Variants in DTNA observed in about 807,000 individuals in gnomAD.
The protein encoded by DTNA is dystrobrevin alpha, also known as dystrophin-related protein 3.
In DTNA, 43 loss-of-function variants were observed where a neutral mutation model predicts 100.7. That is an observed-to-expected ratio of 0.43 (90% CI 0.33 to 0.55). The LOEUF is 0.55. DTNA is among the 20% of genes least tolerant of loss of function. DTNA has a pLI of 0.04. For missense variants in DTNA, 798 were observed against 953.9 expected, an observed-to-expected ratio of 0.84 and a Z score of 2.15; for synonymous variants, 349 against 347.9, an observed-to-expected ratio of 1.00 and a Z score of -0.04.
chr18:34,498,610 G>T (rs2039549697), intron 1 of DTNA, among the ~76,000 whole-genome samples: 1 of 151,990 alleles, frequency 6.6e-6, no homozygotes, highest in Non-Finnish European at 1.5e-5. Context: ...TTATTTTTGA[G>T]TGAATGCATG....
intron 1 of DTNA, chr18:34,514,086 T>G (rs2041356504): frequency 6.6e-6 from 1 of 152,142 alleles, no homozygotes; most frequent in Non-Finnish European, 1.5e-5. Flanking sequence ...CAGTGGCTAT[T>G]TAAGGACTCT....
intron 1 of DTNA, among the ~76,000 whole-genome samples, chr18:34,698,530 T>C (rs999288208): frequency 2.6e-5 from 4 of 152,202 alleles, no homozygotes; most frequent in Non-Finnish European, 5.9e-5. Flanking sequence ...CTCCTCTTCT[T>C]ATACAGATAC....
At chr18:34,796,617 G>GA (rs1053883033) in intron 4 of DTNA, among the ~76,000 whole-genome samples, 18 of 151,952 alleles carry the variant, frequency 1.2e-4, no homozygotes, top group Admixed American at 1.1e-3. Context: ...AATAAACAGG[G>GA]AAAAAATCCA....
chr18:34,755,313 A>G (rs772675060), intron 1 of DTNA: 3 of 152,258 alleles, frequency 2.0e-5, no homozygotes, highest in Non-Finnish European at 4.4e-5. Context: ...GCATTTTAGT[A>G]GTATATTTTA....
Position 34,754,359 on chromosome 18 carries a change from T to C in DTNA, c.-1-1617T>C, listed in dbSNP as rs189820554. On this transcript the variant is annotated intron_variant, in intron 1 of 22. Coordinates refer to ENST00000444659, the MANE Select transcript of DTNA (RefSeq NM_001386795.1). The stretch of plus-strand genomic sequence containing the variant: ...AACCCCTCTCATGGTCACACCTTTC[T>C]TTCCACTTCTATGGCTATAATTACC... 2.3e-3 allele frequency among the ~76,000 whole-genome samples: 345 copies of C among 152,374 alleles called. 3 individuals carry two copies. Among genetic ancestry groups the C allele is most frequent in the Non-Finnish European group, 2.7e-3 (181 of 68,030 alleles).
chr18:34,806,944 A>G (rs1232325854), intron 5 of DTNA, among the ~76,000 whole-genome samples: 3 of 151,972 alleles, frequency 2.0e-5, no homozygotes, highest in African/African-American at 7.3e-5. Flanking sequence ...TGTTTGCTTT[A>G]GGTAAAGAAA....
chr18:34,806,734 C>T (rs1441968771), intron 5 of DTNA, among the ~76,000 whole-genome samples: 1 of 152,076 alleles, frequency 6.6e-6, no homozygotes, highest in African/African-American at 2.4e-5. Flanking sequence ...CTGGGAACTC[C>T]AAAGGTTTCA....
intron 11 of DTNA, among the ~76,000 whole-genome samples, chr18:34,836,365 A>C (rs1290877259): frequency 6.6e-6 from 1 of 152,182 alleles, no homozygotes; most frequent in Non-Finnish European, 1.5e-5. Flanking sequence ...TTTAAAGTCA[A>C]TTTTGGGCCG....
At chr18:34,875,157 T>C (rs985006803) in intron 17 of DTNA, 82 bp from the exon 18 acceptor site, 2 of 1,566,682 alleles carry the variant, frequency 1.3e-6, no homozygotes, top group Non-Finnish European at 1.7e-6. Context: ...TGTCACTGTT[T>C]TCAACAATCA....
chr18:34,779,033 G>A (rs1431607476), intron 3 of DTNA, among the ~76,000 whole-genome samples: 4 of 151,782 alleles, frequency 2.6e-5, no homozygotes, highest in African/African-American at 9.7e-5. Context: ...CATGTTAGCG[G>A]GAAAGTATTT....
intron 1 of DTNA, among the ~76,000 whole-genome samples, chr18:34,520,080 C>G (rs2042016639): frequency 6.6e-6 from 1 of 152,062 alleles, no homozygotes; most frequent in Non-Finnish European, 1.5e-5. Context: ...CCAATGCATC[C>G]TTCTGAAAAA....
Position 34,875,415 on chromosome 18 carries a change from T to C in DTNA, c.1903+17T>C, listed in dbSNP as rs541157. On this transcript the variant is annotated intron_variant, in intron 18 of 22. Transcript: ENST00000444659. ...TTGCACAAAGTAAGTGGCTTTATTT[T>C]TTGTTGTGGTCTGCTTTTATGTGGC... is the stretch of plus-strand genomic sequence containing the variant. 199,509 of 1,613,804 alleles carry C rather than the reference T, an allele frequency of 0.12. 13,755 individuals carry two copies. The highest frequency in any genetic ancestry group is 0.27 in the African/African-American group (19,997 of 74,950).
intron 17 of DTNA, chr18:34,866,630 A>G: frequency 9.9e-7 from 1 of 1,010,920 alleles, no homozygotes; most frequent in Non-Finnish European, 1.2e-6. Flanking sequence ...AAAATCAGGC[A>G]ATTAAATCCC....
At chr18:34,794,342 T>G (rs1345110216) in intron 4 of DTNA, 92 bp downstream of exon 4, 35 of 1,391,426 alleles carry the variant, frequency 2.5e-5, no homozygotes, top group Non-Finnish European at 3.5e-5. Context: ...TTTATATCTC[T>G]CTCTTTTTTT....
chr18:34,622,555 A>T (rs980425974), intron 1 of DTNA, among the ~76,000 whole-genome samples: 2 of 152,160 alleles, frequency 1.3e-5, no homozygotes, highest in Non-Finnish European at 2.9e-5. Context: ...TGTGAGCCTG[A>T]GTGGACTGGG....
chr18:34,817,835 C>G (rs1416478021), intron 7 of DTNA: 4 of 674,600 alleles, frequency 5.9e-6, no homozygotes, highest in Non-Finnish European at 8.5e-6. Context: ...AGACAGAGAG[C>G]AGTTTGGGGT....
At chr18:34,855,488 C>CT (rs1210390939) in intron 15 of DTNA, among the ~76,000 whole-genome samples, 2 of 152,226 alleles carry the variant, frequency 1.3e-5, no homozygotes, top group Non-Finnish European at 2.9e-5. Context: ...TTACAAGATT[C>CT]TATTACTCAT....
At chr18:34,502,012 G>T (rs967748427) in intron 1 of DTNA, among the ~76,000 whole-genome samples, 1 of 152,128 alleles carries the variant, frequency 6.6e-6, no homozygotes, top group South Asian at 2.1e-4. Context: ...ATAGAGTCAC[G>T]TTTTGAGTTC....
chr18:34,682,676 T>C (rs754146575), intron 1 of DTNA, among the ~76,000 whole-genome samples: 3 of 152,124 alleles, frequency 2.0e-5, no homozygotes, highest in Non-Finnish European at 2.9e-5. Flanking sequence ...TCTGTTCCGA[T>C]CTTTGGCCCA....
Sources: gnomAD v4.1 joint callset for allele counts (sites outside exome capture counted in the v4.1 genomes callset) on GRCh38, gnomAD v4.1.1 for gene constraint, MANE v1.5 for transcripts, NCBI Gene and HGNC (gene_info 2026-07-23, HGNC 2026-07-21) for gene names.